The following XXYLT1 variants were observed in gnomAD, a reference collection of about 807,000 sequenced individuals.
XXYLT1 encodes the protein xyloside xylosyltransferase 1.
A neutral mutation model predicts 28.9 loss-of-function variants in XXYLT1; 20 were observed. The observed-to-expected ratio is 0.69, with a 90% CI of 0.49 to 1.00. XXYLT1 has a LOEUF of 1.00. Among genes scored for constraint, XXYLT1 ranks in the 50% least tolerant of loss-of-function variants. XXYLT1 has a pLI of 0.00. For synonymous variants in XXYLT1, 257 were observed against 253.8 expected, an observed-to-expected ratio of 1.01 and a Z score of -0.12; for missense variants, 542 against 560.1, an observed-to-expected ratio of 0.97 and a Z score of 0.33.
At chr3:195,119,979 G>T (rs1193523090) in intron 3 of XXYLT1, among the ~76,000 whole-genome samples, 2 of 152,182 alleles carry the variant, frequency 1.3e-5, no homozygotes. Flanking sequence ...GGGATGGGAA[G>T]TTCCCACTGG....
chr3:195,105,089 A>G (rs1271901576), intron 3 of XXYLT1, among the ~76,000 whole-genome samples: 5 of 152,198 alleles, frequency 3.3e-5, no homozygotes, highest in Non-Finnish European at 5.9e-5. Flanking sequence ...TTTCATCCAT[A>G]TAACCAACTG....
At chr3:195,193,592 G>A (rs965024661) in intron 2 of XXYLT1, among the ~76,000 whole-genome samples, 2 of 152,234 alleles carry the variant, frequency 1.3e-5, no homozygotes, top group African/African-American at 4.8e-5. Flanking sequence ...AAACAATTTT[G>A]TATAATAACA....
intron 2 of XXYLT1, among the ~76,000 whole-genome samples, chr3:195,175,236 G>A (rs1238596274): frequency 2.0e-5 from 3 of 152,172 alleles, no homozygotes; most frequent in East Asian, 1.9e-4. Context: ...CTAAGTCCTC[G>A]GAAGACAGAG....
Position 195,214,587 on chromosome 3 carries a change from T to C in XXYLT1, c.652+12122A>G, listed in dbSNP as rs574926735. 7.2e-5 allele frequency among the ~76,000 whole-genome samples: 11 copies of C among 152,214 alleles called. No homozygotes were observed. The South Asian group carries it at 2.3e-3, about 32-fold the overall frequency. ...CATCTACATACGGCATCCACAATCG[T>C]AGGGGGGCAGTGGCGCCCTTGTGTC... On this transcript the variant is annotated intron_variant, in intron 2 of 3. Coordinates refer to ENST00000310380, the MANE Select transcript of XXYLT1 (RefSeq NM_152531.5).
At chr3:195,231,108 C>A (rs1006871055) in intron 1 of XXYLT1, among the ~76,000 whole-genome samples, 1 of 151,708 alleles carries the variant, frequency 6.6e-6, no homozygotes, top group Non-Finnish European at 1.5e-5. Flanking sequence ...TTTGGTTAAT[C>A]CCTAGGTATT....
At position 195,137,302 on chromosome 3, in the gene XXYLT1, C is replaced by G. The variant is rs77233462; in HGVS notation, c.785+19147G>C. On this transcript the variant is annotated intron_variant, in intron 3 of 3. Coordinates refer to ENST00000310380, the MANE Select transcript of XXYLT1 (RefSeq NM_152531.5). The stretch of plus-strand genomic sequence containing the variant: ...AATGGTGCTTCAAAAATCCTTGACC[C>G]CATATTGTTGGAAGCTATTTTCAGC... Among the ~76,000 whole-genome samples, 509 of 152,312 alleles carry G rather than the reference C, an allele frequency of 3.3e-3. 3 individuals carry two copies. Among genetic ancestry groups the G allele is most frequent in the African/African-American group, 0.011 (477 of 41,576 alleles).
At chr3:195,204,516 T>C (rs61022222) in intron 2 of XXYLT1, among the ~76,000 whole-genome samples, 6,288 of 149,798 alleles carry the variant, frequency 0.042, 189 homozygotes, top group East Asian at 0.1. Context: ...AGTGGCATCT[T>C]CGTGTTCCAG....
chr3:195,116,775 CACTT>C (rs149217969), intron 3 of XXYLT1, among the ~76,000 whole-genome samples: 14 of 152,326 alleles, frequency 9.2e-5, no homozygotes, highest in Non-Finnish European at 2.1e-4. Flanking sequence ...GACGGAAACA[CACTT>C]GCTTGCCTGC....
At chr3:195,101,310 C>G (rs946346575) in intron 3 of XXYLT1, among the ~76,000 whole-genome samples, 1 of 152,258 alleles carries the variant, frequency 6.6e-6, no homozygotes, top group African/African-American at 2.4e-5. Context: ...CCCACTGCCA[C>G]CTTCATCAAA....
intron 2 of XXYLT1, among the ~76,000 whole-genome samples, chr3:195,206,257 G>A (rs1299824451): frequency 4.6e-5 from 7 of 151,472 alleles, no homozygotes; most frequent in East Asian, 1.9e-4. Flanking sequence ...TGATCCACCC[G>A]CCTCGGCCTC....
intron 3 of XXYLT1, among the ~76,000 whole-genome samples, chr3:195,117,615 C>T (rs1292127493): frequency 5.5e-5 from 8 of 145,700 alleles, no homozygotes; most frequent in East Asian, 1.9e-4. Context: ...GTCGGGGTAG[C>T]GTGGAAACAA....
At position 195,253,183 on chromosome 3, in the gene XXYLT1, G is replaced by A. The variant is rs112453007; in HGVS notation, c.504+17372C>T. 4.9e-3 allele frequency among the ~76,000 whole-genome samples: 753 copies of A among 152,228 alleles called. 6 individuals carry two copies. Among genetic ancestry groups the A allele is most frequent in the African/African-American group, 0.017 (722 of 41,534 alleles). ...CTCCCTCTCCCCGGGGCCCAGGGAA[G>A]GCTGCCCTAAGCACTGACTCCTCTC... On this transcript the variant is annotated intron_variant, in intron 1 of 3. Coordinates refer to ENST00000310380, the MANE Select transcript of XXYLT1 (RefSeq NM_152531.5).
intron 3 of XXYLT1, among the ~76,000 whole-genome samples, chr3:195,097,970 G>A (rs1336922066): frequency 6.6e-6 from 1 of 152,010 alleles, no homozygotes; most frequent in African/African-American, 2.4e-5. Flanking sequence ...GACCCACAGA[G>A]TCCCACAGTC....
rs1174182431 is a variant in XXYLT1 at position 195,110,054 on chromosome 3, GTGGTGTGTGTGGTGTC to G, written c.786-39959_786-39944del. On this transcript the variant is annotated intron_variant, in intron 3 of 3. Coordinates refer to ENST00000310380, the MANE Select transcript of XXYLT1 (RefSeq NM_152531.5). ...ATGTCTGGTGTATGTGTGCGTGTGTGTGGTGTGTGTGGTGTCTGGTGTGTGTGGTGTATGAGTGTGC... is the reference window on the plus strand; with the variant it reads ...ATGTCTGGTGTATGTGTGCGTGTGTGTGGTGTGTGTGGTGTATGAGTGTGC... 4.7e-5 allele frequency among the ~76,000 whole-genome samples: 3 copies of G among 63,500 alleles called. 1 individual carries two copies. Among genetic ancestry groups the G allele is most frequent in the Non-Finnish European group, 7.3e-5 (2 of 27,360 alleles). The allele number at this position is 63,500 out of a possible 152,430, so 41.7% of individuals were successfully genotyped here.
intron 1 of XXYLT1, among the ~76,000 whole-genome samples, chr3:195,263,960 C>A (rs1257190111): frequency 6.6e-6 from 1 of 152,218 alleles, no homozygotes; most frequent in Admixed American, 6.5e-5. Flanking sequence ...TTGTTCTGTG[C>A]TTCTCTATGG....
chr3:195,074,918 G>A (rs1464292421), intron 3 of XXYLT1, among the ~76,000 whole-genome samples: 1 of 152,176 alleles, frequency 6.6e-6, no homozygotes, highest in Non-Finnish European at 1.5e-5. Context: ...AAGACCTAAA[G>A]CAGGCTGAGG....
chr3:195,151,264 T>C (rs1720228567), intron 3 of XXYLT1, among the ~76,000 whole-genome samples: 1 of 152,096 alleles, frequency 6.6e-6, no homozygotes, highest in African/African-American at 2.4e-5. Context: ...AATTTCAGGG[T>C]CAGGTGTGGT....
chr3:195,112,564 G>T (rs74969949), intron 3 of XXYLT1, among the ~76,000 whole-genome samples: 1 of 145,994 alleles, frequency 6.8e-6, no homozygotes. Context: ...GCTAGATGAA[G>T]CAGTGCACAC....
At chr3:195,080,472 C>T (rs140985499) in intron 3 of XXYLT1, among the ~76,000 whole-genome samples, 2 of 151,998 alleles carry the variant, frequency 1.3e-5, no homozygotes, top group East Asian at 3.9e-4. Context: ...CCCACATGCA[C>T]CTGGCCCAGC....
Sources: allele counts gnomAD v4.1 joint callset (sites outside exome capture counted in the v4.1 genomes callset), GRCh38; gene constraint gnomAD v4.1.1; transcripts MANE v1.5; gene names NCBI Gene and HGNC (gene_info 2026-07-23, HGNC 2026-07-21).